The following PAPPA variants were observed in gnomAD, a reference collection of about 807,000 sequenced individuals.
PAPPA encodes the protein pappalysin-1.
PAPPA carries 60 observed loss-of-function variants against 164.0 expected under a neutral mutation model. The observed-to-expected ratio is 0.37, with a 90% confidence interval of 0.30 to 0.45. The LOEUF (loss-of-function observed/expected upper bound fraction) is 0.45. Ranked by LOEUF, PAPPA falls within the 20% of genes least tolerant of loss-of-function variation. The pLI, the probability that PAPPA is intolerant of heterozygous loss-of-function variation, is 1.00. For missense variants in PAPPA, 1,782 were observed against 2,087.3 expected, an observed-to-expected ratio of 0.85 and a Z score of 2.85; for synonymous variants, 875 against 814.1, an observed-to-expected ratio of 1.07 and a Z score of -1.27.
At chr9:116,216,791 G>T (rs1394690752) in intron 4 of PAPPA, among the ~76,000 whole-genome samples, 2 of 152,104 alleles carry the variant, frequency 1.3e-5, no homozygotes, top group African/African-American at 4.8e-5. Flanking sequence ...GCCCAGGCTG[G>T]AGTGCAGTGG....
intron 10 of PAPPA, among the ~76,000 whole-genome samples, chr9:116,329,934 A>G (rs981860666): frequency 6.6e-6 from 1 of 152,254 alleles, no homozygotes; most frequent in Non-Finnish European, 1.5e-5. Context: ...GAGAACATAT[A>G]GACTATTTCC....
At chr9:116,360,477 G>C (rs909846930) in intron 17 of PAPPA, among the ~76,000 whole-genome samples, 2 of 152,144 alleles carry the variant, frequency 1.3e-5, no homozygotes, top group Admixed American at 1.3e-4. Flanking sequence ...TTTCTCTTCT[G>C]AATCTTGTCT....
chr9:116,187,770 C>G lies in PAPPA; in HGVS notation c.1032C>G (p.Leu344=). The part of the protein sequence containing the change: ...NTEVIASYNQ[L]SSFRQPKVVR... Reference sequence around the variant, plus strand: ...AGGTCATTGCCAGCTACAATCAGCTCTCAAGTTTCCGCCAGCCCAAGGTGG... The same window carrying G: ...AGGTCATTGCCAGCTACAATCAGCTGTCAAGTTTCCGCCAGCCCAAGGTGG... The change falls in exon 2 of 22, where the codon CTC becomes CTG. Residue 344 remains leucine, a synonymous_variant. Transcript: ENST00000328252. This position sits in a 1 kb window ranked among gnomAD's most constrained non-coding sequence, Gnocchi z 4.2. 3 of 1,614,262 alleles carry G rather than the reference C, an allele frequency of 1.9e-6. No individual in the cohort carries two copies. Among genetic ancestry groups the G allele is most frequent in the Non-Finnish European group, 2.5e-6 (3 of 1,180,048 alleles).
chr9:116,256,967 T>G (rs532218163), intron 7 of PAPPA, among the ~76,000 whole-genome samples: 11 of 151,446 alleles, frequency 7.3e-5, no homozygotes, highest in Non-Finnish European at 1.6e-4. Context: ...CAAAACAAAT[T>G]TAAACAAATA....
At chr9:116,329,278 C>T (rs185125088) in intron 10 of PAPPA, among the ~76,000 whole-genome samples, 16 of 152,198 alleles carry the variant, frequency 1.1e-4, no homozygotes, top group Admixed American at 2.6e-4. Flanking sequence ...GTACTGAACA[C>T]ATTGTTAGGA....
At chr9:116,238,849 TC>T (rs1844704337) in intron 7 of PAPPA, among the ~76,000 whole-genome samples, 1 of 152,184 alleles carries the variant, frequency 6.6e-6, no homozygotes, top group African/African-American at 2.4e-5. Context: ...ACCTACCATT[TC>T]AACTCCTTTA....
At chr9:116,354,124 C>T (rs534105874) in intron 17 of PAPPA, among the ~76,000 whole-genome samples, 1 of 152,268 alleles carries the variant, frequency 6.6e-6, no homozygotes, top group East Asian at 1.9e-4. Flanking sequence ...TTTAAAATCA[C>T]AAGACTGCAA....
intron 21 of PAPPA, among the ~76,000 whole-genome samples, chr9:116,387,872 T>C (rs532070843): frequency 1.7e-4 from 26 of 152,308 alleles, no homozygotes; most frequent in African/African-American, 6.0e-4. Flanking sequence ...TCCTGCCCCT[T>C]GTGGGTGATA....
chr9:116,285,535 C>G (rs1336344563), intron 9 of PAPPA, among the ~76,000 whole-genome samples: 1 of 152,196 alleles, frequency 6.6e-6, no homozygotes, highest in African/African-American at 2.4e-5. Flanking sequence ...CTCCTCACCA[C>G]CCGTTCCTCC....
rs1001878131 is a variant in PAPPA, at chr9:116,154,665, G to T, written c.415+78G>T. The T allele has an allele frequency of 2.4e-6, 3 of 1,250,098 alleles. No homozygotes were observed. The highest frequency in any genetic ancestry group is 3.1e-5 in the African/African-American group (2 of 64,164). The allele number at this position is 1,250,098 out of a possible 1,614,324, so 77.4% of individuals were successfully genotyped here. ...TCGCGGGTGTCTGGGCGCGGGTGGCGGGCGGGTCGGGGGCTTGCGGGCGTG... is the reference window on the plus strand; with the variant it reads ...TCGCGGGTGTCTGGGCGCGGGTGGCTGGCGGGTCGGGGGCTTGCGGGCGTG... On this transcript the variant is annotated intron_variant, in intron 1 of 21. Coordinates refer to ENST00000328252, the MANE Select transcript of PAPPA (RefSeq NM_002581.5). This position sits in a 1 kb window ranked among gnomAD's most constrained non-coding sequence, Gnocchi z 5.2.
At chr9:116,291,965 AT>A (rs1269043176) in intron 9 of PAPPA, among the ~76,000 whole-genome samples, 43 of 152,188 alleles carry the variant, frequency 2.8e-4, no homozygotes, top group African/African-American at 1.0e-3. Context: ...AATATTTGAA[AT>A]GACTGCTAAA....
rs1844653139 is a variant in PAPPA at position 116,235,532 on chromosome 9, C to T, written c.2627C>T (p.Pro876Leu). ...ATGTTGACCTCCACTGCAGACACCC[C>T]ACTCTGTCTACAGTGTAAGCCCCTG... ...AAMLTSTADT[P>L]LCLQCKPLKY... is the part of the protein sequence containing the mutation. The change falls in exon 7 of 22, where the codon CCA becomes CTA. Residue 876 changes from proline (P) to leucine (L), a missense_variant. By Grantham distance (98) the Pro-to-Leu change is moderately conservative. Coordinates refer to ENST00000328252, the MANE Select transcript of PAPPA (RefSeq NM_002581.5). 2 of 1,613,520 alleles carry T rather than the reference C, an allele frequency of 1.2e-6. No homozygotes were observed. The highest frequency in any genetic ancestry group is 1.1e-5 in the South Asian group (1 of 91,040).
At position 116,181,124 on chromosome 9, in the gene PAPPA, C is replaced by T. The variant is rs184081970; in HGVS notation, c.416-6030C>T. ...CAAGAGAAAAATTCTGAACTGGGAA[C>T]AGGCATTAGGAGATAAGATAGATTT... On this transcript the variant is annotated intron_variant, in intron 1 of 21. Coordinates refer to ENST00000328252, the MANE Select transcript of PAPPA (RefSeq NM_002581.5). 4.6e-5 allele frequency among the ~76,000 whole-genome samples: 7 copies of T among 152,346 alleles called. No individual in the cohort carries two copies. In the East Asian group the frequency reaches 1.4e-3, roughly 29 times the overall value.
At chr9:116,350,755 G>A (rs1238269296) in intron 15 of PAPPA, among the ~76,000 whole-genome samples, 1 of 152,152 alleles carries the variant, frequency 6.6e-6, no homozygotes, top group Non-Finnish European at 1.5e-5. Flanking sequence ...TGACTGCCCC[G>A]ATTACAAGGG....
At chr9:116,286,242 G>A (rs1845337470) in intron 9 of PAPPA, 1 of 152,104 alleles carries the variant, frequency 6.6e-6, no homozygotes, top group Non-Finnish European at 1.5e-5. Flanking sequence ...TAGAATTTTA[G>A]AAGAATGGGT....
intron 5 of PAPPA, among the ~76,000 whole-genome samples, chr9:116,222,185 A>G (rs959564183): frequency 2.0e-5 from 3 of 152,194 alleles, no homozygotes; most frequent in African/African-American, 4.8e-5. Flanking sequence ...TTCACTGTAC[A>G]TTATTCACAA....
chr9:116,274,302 C>G (rs920145003), intron 9 of PAPPA, among the ~76,000 whole-genome samples: 16 of 152,218 alleles, frequency 1.1e-4, no homozygotes, highest in African/African-American at 3.9e-4. Context: ...CACTTAAAAT[C>G]TCATTATAGA....
chr9:116,362,818 T>C, intron 18 of PAPPA, 79 bp downstream of exon 18: 1 of 1,394,446 alleles, frequency 7.2e-7, no homozygotes. Context: ...GGTGGGTCAT[T>C]GAACACCCTG....
At chr9:116,303,558 T>G (rs1345477698) in intron 10 of PAPPA, among the ~76,000 whole-genome samples, 1 of 152,174 alleles carries the variant, frequency 6.6e-6, no homozygotes. Context: ...AGTGCTTGTA[T>G]GATTCTAGAG....
Sources: allele counts gnomAD v4.1 joint callset (sites outside exome capture counted in the v4.1 genomes callset), GRCh38; gene constraint gnomAD v4.1.1; non-coding constraint Gnocchi (gnomAD v3.1); transcripts MANE v1.5; gene names NCBI Gene and HGNC (gene_info 2026-07-23, HGNC 2026-07-21).